Variants in MAST4 observed in about 807,000 individuals in gnomAD.
MAST4 encodes the protein microtubule-associated serine/threonine-protein kinase 4.
A neutral mutation model predicts 162.7 loss-of-function variants in MAST4; 89 were observed. The observed-to-expected ratio is 0.55, with a 90% confidence interval of 0.46 to 0.65. The LOEUF is 0.65. Among genes scored for constraint, MAST4 ranks in the 30% least tolerant of loss-of-function variants. The pLI is 0.00. For synonymous variants in MAST4, 1,479 were observed against 1,361.1 expected (o/e 1.09, Z -1.91); for missense variants, 3,153 against 3,374.0 (o/e 0.93, Z 1.62).
chr5:66,845,085 T>TTATATATATATATATATATATATA (rs752796951), intron 3 of MAST4, among the ~76,000 whole-genome samples: 1 of 57,972 alleles, frequency 1.7e-5, no homozygotes, highest in Non-Finnish European at 3.0e-5. Context: ...TCACTAATCT[T>TTATATATATATATATATATATATA]TATATATATA....
At chr5:66,607,157 A>G (rs553995624) in intron 1 of MAST4, among the ~76,000 whole-genome samples, 57 of 152,318 alleles carry the variant, frequency 3.7e-4, no homozygotes, top group Middle Eastern at 3.4e-3. Context: ...CCTCTTGGTC[A>G]TCTCTGCATC....
At chr5:67,159,653 T>C (rs898496613) in intron 26 of MAST4, among the ~76,000 whole-genome samples, 2 of 152,176 alleles carry the variant, frequency 1.3e-5, no homozygotes, top group African/African-American at 4.8e-5. Context: ...GGAAGGGTAA[T>C]TGATGCCAGG....
intron 5 of MAST4, among the ~76,000 whole-genome samples, chr5:67,059,464 C>G (rs144055218): frequency 2.6e-5 from 4 of 152,182 alleles, no homozygotes; most frequent in Admixed American, 6.5e-5. Flanking sequence ...TTCTGCCTAC[C>G]ACAGTAACAC....
chr5:66,750,718 G>T (rs187182883), intron 1 of MAST4, among the ~76,000 whole-genome samples: 2,710 of 152,338 alleles, frequency 0.018, 93 homozygotes, highest in African/African-American at 0.061. Context: ...GAGGCTGGGG[G>T]AGGGGCACCC....
At position 67,164,378 on chromosome 5, in the gene MAST4, G is replaced by A. The variant is rs532463030; in HGVS notation, c.5199G>A (p.Pro1733=). 8.1e-6 allele frequency: 13 copies of A among 1,613,852 alleles called. No individual in the cohort carries two copies. Among genetic ancestry groups the A allele is most frequent in the Middle Eastern group, 1.6e-4 (1 of 6,082 alleles). The change falls in exon 29 of 29, where the codon CCG becomes CCA. Residue 1733 remains proline, a synonymous_variant. Transcript: ENST00000403625. This position sits in a 1 kb window ranked among gnomAD's most constrained non-coding sequence, Gnocchi z 5.3. ...CCACGGGTGGGCAGCAGGAGCCCCC[G>A]CCGGCTTCTGAGAGCCGAGCTTTTG... ...VRPTGGQQEP[P]PASESRAFVS...
chr5:66,917,945 A>G, intron 4 of MAST4, among the ~76,000 whole-genome samples: 1 of 152,164 alleles, frequency 6.6e-6, no homozygotes, highest in East Asian at 1.9e-4. Flanking sequence ...TTTAAAATGA[A>G]AGGTAATATA....
intron 1 of MAST4, among the ~76,000 whole-genome samples, chr5:66,648,847 TA>T (rs1266262059): frequency 1.3e-5 from 2 of 152,188 alleles, no homozygotes; most frequent in African/African-American, 2.4e-5. Context: ...GTTCTTGAAG[TA>T]AAAATCTTAA....
intron 1 of MAST4, among the ~76,000 whole-genome samples, chr5:66,728,104 T>C (rs1461628362): frequency 2.6e-5 from 4 of 152,190 alleles, no homozygotes; most frequent in Non-Finnish European, 5.9e-5. Context: ...AAGTATAGTG[T>C]CTGAGGCACA....
chr5:67,125,495 A>G (rs1768115754), intron 14 of MAST4, among the ~76,000 whole-genome samples: 1 of 151,970 alleles, frequency 6.6e-6, no homozygotes, highest in African/African-American at 2.4e-5. Flanking sequence ...GAGTGAGAAC[A>G]TGTGGTATTT....
At chr5:66,747,567 G>A (rs1238339154) in intron 1 of MAST4, among the ~76,000 whole-genome samples, 1 of 152,154 alleles carries the variant, frequency 6.6e-6, no homozygotes, top group Non-Finnish European at 1.5e-5. Context: ...AACCTTTGGT[G>A]GCATGAACAA....
In MAST4 at chr5:66,620,491, C is replaced by A. The variant is rs184471341; in HGVS notation, c.363+23473C>A. Among the ~76,000 whole-genome samples the A allele has an allele frequency of 3.9e-5, 6 of 152,006 alleles. No individual in the cohort carries two copies. The East Asian group carries it at 1.2e-3, about 29-fold the overall frequency. ...ACTTGCCGTTAATAATGGCATTGAA[C>A]CCTAACTGATAGCCTTTAAAAAAAA... is the stretch of plus-strand genomic sequence containing the variant. On this transcript the variant is annotated intron_variant, in intron 1 of 28. Coordinates refer to ENST00000403625, the MANE Select transcript of MAST4 (RefSeq NM_001164664.2).
intron 4 of MAST4, among the ~76,000 whole-genome samples, chr5:66,909,177 G>A (rs1329096454): frequency 6.6e-6 from 1 of 152,224 alleles, no homozygotes; most frequent in East Asian, 1.9e-4. Context: ...GTGTGAAAGG[G>A]GCAGTTGACC....
At chr5:67,016,071 A>G (rs1222812491) in intron 4 of MAST4, among the ~76,000 whole-genome samples, 2 of 152,206 alleles carry the variant, frequency 1.3e-5, no homozygotes, top group Non-Finnish European at 1.5e-5. Flanking sequence ...AGCTCAATCT[A>G]GTGGGCTTTA....
intron 1 of MAST4, among the ~76,000 whole-genome samples, chr5:66,654,351 G>A (rs1216704708): frequency 6.6e-6 from 1 of 151,928 alleles, no homozygotes; most frequent in Admixed American, 6.6e-5. Context: ...AAAGTGGTTT[G>A]GTTCTAAAGG....
intron 3 of MAST4, among the ~76,000 whole-genome samples, chr5:66,826,765 T>G (rs1249170755): frequency 6.6e-6 from 1 of 152,194 alleles, no homozygotes; most frequent in East Asian, 1.9e-4. Flanking sequence ...AAATTGAGCT[T>G]CTTGGGTCAA....
At chr5:66,898,372 T>C (rs1052495394) in intron 3 of MAST4, among the ~76,000 whole-genome samples, 2 of 152,234 alleles carry the variant, frequency 1.3e-5, no homozygotes, top group Non-Finnish European at 2.9e-5. Flanking sequence ...TTAACCTGAA[T>C]ACAACACTGA....
At position 66,941,237 on chromosome 5, in the gene MAST4, CAG is replaced by C. The variant is rs145596902; in HGVS notation, c.674+41256_674+41257del. Reference sequence around the variant, plus strand: ...TTGCATTAGTTCCTAAAGAGGGAGTCAGGCTGTCCTTTGAAGTTTTGAAGTCA... The same window carrying C: ...TTGCATTAGTTCCTAAAGAGGGAGTCGCTGTCCTTTGAAGTTTTGAAGTCA... On this transcript the variant is annotated intron_variant, in intron 4 of 28. Transcript: ENST00000403625. 3.5e-3 allele frequency among the ~76,000 whole-genome samples: 534 copies of C among 152,236 alleles called. 3 individuals are homozygous for C. The highest frequency in any genetic ancestry group is 0.012 in the African/African-American group (515 of 41,554).
At chr5:66,713,975 C>T (rs1750657944) in intron 1 of MAST4, among the ~76,000 whole-genome samples, 1 of 152,150 alleles carries the variant, frequency 6.6e-6, no homozygotes, top group Non-Finnish European at 1.5e-5. Context: ...CTCATTTAAT[C>T]CTGATGATAA....
intron 4 of MAST4, among the ~76,000 whole-genome samples, chr5:67,034,406 C>T (rs749857365): frequency 1.1e-4 from 17 of 152,218 alleles, no homozygotes; most frequent in Admixed American, 6.5e-4. Flanking sequence ...GTAGGGGTTA[C>T]GTAACAATGA....
Sources: allele counts gnomAD v4.1 joint callset (sites outside exome capture counted in the v4.1 genomes callset), GRCh38; gene constraint gnomAD v4.1.1; non-coding constraint Gnocchi (gnomAD v3.1); transcripts MANE v1.5; gene names NCBI Gene and HGNC (gene_info 2026-07-23, HGNC 2026-07-21).